ZBTB2: variants seen among roughly 807,000 people sequenced by gnomAD.
ZBTB2 encodes the protein zinc finger and BTB domain-containing protein 2.
In ZBTB2, 2 loss-of-function variants were observed where a neutral mutation model predicts 39.5. The observed-to-expected ratio is 0.05, with a 90% CI of 0.02 to 0.16. The LOEUF (loss-of-function observed/expected upper bound fraction) is 0.16, where lower values mean the gene tolerates loss of function less well. Ranked by LOEUF, ZBTB2 falls within the 10% of genes least tolerant of loss-of-function variation. The probability of loss-of-function intolerance (pLI) is 1.00; values close to 1 mark genes in which losing one functional copy is unlikely to be tolerated. For missense variants in ZBTB2, 391 were observed against 653.0 expected (o/e 0.60, Z 4.37); for synonymous variants, 251 against 256.6 (o/e 0.98, Z 0.21).
In ZBTB2 at chr6:151,365,953, T is replaced by C; in HGVS notation, c.1113A>G (p.Lys371=). 1 of 1,614,158 alleles carries C rather than the reference T, an allele frequency of 6.2e-7. No individual in the cohort carries two copies. Among genetic ancestry groups the C allele is most frequent in the South Asian group, 1.1e-5 (1 of 91,082 alleles). ...RKYECTICGR[K]FIQKSHWREH... Reference sequence around the variant, plus strand: ...CCCTCCAGTGGCTTTTCTGGATAAATTTGCGTCCACATATTGTGCACTCGT... The same window carrying C: ...CCCTCCAGTGGCTTTTCTGGATAAACTTGCGTCCACATATTGTGCACTCGT... Residue 371 remains lysine, a synonymous_variant, in exon 3 of 3, where the codon AAA becomes AAG. Transcript: ENST00000325144. This position sits in a 1 kb window ranked among gnomAD's most constrained non-coding sequence, Gnocchi z 5.6.
intron 2 of ZBTB2, among the ~76,000 whole-genome samples, chr6:151,370,348 C>A (rs565938091): frequency 6.6e-6 from 1 of 152,168 alleles, no homozygotes; most frequent in Non-Finnish European, 1.5e-5. Context: ...GTTGGCCAGG[C>A]TGGTTGACAT....
chr6:151,380,570 C>T (rs1419075891), intron 1 of ZBTB2, among the ~76,000 whole-genome samples: 1 of 152,236 alleles, frequency 6.6e-6, no homozygotes, highest in Non-Finnish European at 1.5e-5. Context: ...CCAGCTCCCG[C>T]CCGGCTCTGC....
chr6:151,381,997 A>C (rs1434906806), intron 1 of ZBTB2, among the ~76,000 whole-genome samples: 1 of 152,154 alleles, frequency 6.6e-6, no homozygotes, highest in African/African-American at 2.4e-5. Context: ...TACTTCCACA[A>C]ATCTAGTTGG....
chr6:151,373,321 G>T (rs1428355883), intron 2 of ZBTB2, 144 bp downstream of exon 2: 2 of 769,300 alleles, frequency 2.6e-6, no homozygotes, highest in Non-Finnish European at 4.2e-6. Context: ...TAACAAGAAG[G>T]GTAGTGGGGG....
intron 1 of ZBTB2, among the ~76,000 whole-genome samples, chr6:151,389,767 G>A (rs1394024855): frequency 6.6e-6 from 1 of 152,076 alleles, no homozygotes; most frequent in Non-Finnish European, 1.5e-5. Flanking sequence ...CACGTATTCG[G>A]GTGGAAGTTC....
Position 151,366,568 on chromosome 6 carries a change from T to C in ZBTB2, c.498A>G (p.Ile166Met). The C allele has an allele frequency of 6.2e-7, 1 of 1,614,106 alleles. No homozygotes were observed. The highest frequency in any genetic ancestry group is 1.1e-5 in the South Asian group (1 of 91,068). The change falls in exon 3 of 3, where the codon ATA becomes ATG. Residue 166 changes from isoleucine (I) to methionine (M), a missense_variant. Physicochemically the swap from Ile to Met is conservative, Grantham distance 10. Around this residue, in one of 7 missense-constraint regions of ZBTB2, gnomAD observed 175 missense variants for 198.6 expected, o/e 0.88. Transcript: ENST00000325144. The surrounding 1 kb of genome is among the most constrained non-coding windows in gnomAD (Gnocchi z 7.1). Reference sequence around the variant, plus strand: ...AGGCCTCAGGGACCTGCTCCTGGCTTATCCTGGAGGTCTGTGGCCGTGGAT... The same window carrying C: ...AGGCCTCAGGGACCTGCTCCTGGCTCATCCTGGAGGTCTGTGGCCGTGGAT... ...GRDPRPQTSR[I>M]SQEQVPEASQ... is the part of the protein sequence containing the mutation.
At position 151,366,545 on chromosome 6, in the gene ZBTB2, G is replaced by A; in HGVS notation, c.521C>T (p.Ala174Val). 6.2e-7 allele frequency: 1 copy of A among 1,614,104 alleles called. No homozygotes were observed. Among genetic ancestry groups the A allele is most frequent in the Non-Finnish European group, 8.5e-7 (1 of 1,180,014 alleles). Residue 174 changes from alanine (A) to valine (V), a missense_variant, in exon 3 of 3, where the codon GCC (alanine) becomes GTC (valine). Transcript: ENST00000325144. This position sits in a 1 kb window ranked among gnomAD's most constrained non-coding sequence, Gnocchi z 7.1. ...TGAAGTCAGCTGGGAGAGCTGTGAG[G>A]CCTCAGGGACCTGCTCCTGGCTTAT... ...SRISQEQVPE[A>V]SQLSQLTSNL...
At chr6:151,373,862 A>AC (rs1400684540) in intron 1 of ZBTB2, among the ~76,000 whole-genome samples, 13 of 146,908 alleles carry the variant, frequency 8.8e-5, no homozygotes, top group East Asian at 5.9e-4. Context: ...AAAAAAAAAA[A>AC]AAAAAAAAAA....
intron 1 of ZBTB2, among the ~76,000 whole-genome samples, chr6:151,375,063 T>A (rs1287397605): frequency 6.6e-6 from 1 of 151,356 alleles, no homozygotes; most frequent in Non-Finnish European, 1.5e-5. Flanking sequence ...GAGCTTGCGG[T>A]GAGCCGAGCT....
chr6:151,368,035 A>G (rs897940845), intron 2 of ZBTB2, among the ~76,000 whole-genome samples: 1 of 152,210 alleles, frequency 6.6e-6, no homozygotes, highest in Admixed American at 6.5e-5. Context: ...AAATTCAAAG[A>G]CAGCTTCCTT....
In ZBTB2 at chr6:151,365,583, C is replaced by T; in HGVS notation, c.1483G>A (p.Glu495Lys). The change falls in exon 3 of 3, where the codon GAG (glutamate) becomes AAG (lysine). Residue 495 changes from glutamate (E) to lysine (K), a missense_variant. Transcript: ENST00000325144. This position sits in a 1 kb window ranked among gnomAD's most constrained non-coding sequence, Gnocchi z 5.6. The stretch of plus-strand genomic sequence containing the variant: ...GAAGCTAACACTGGGTGGTCAGGCT[C>T]CGTTACTTCCGAGTCCCCACTGCCC... The part of the protein sequence containing the change: ...LLGSGDSEVT[E>K]PDHPVLASIK... The T allele has an allele frequency of 6.2e-7, 1 of 1,614,216 alleles. No individual in the cohort carries two copies. Among genetic ancestry groups the T allele is most frequent in the Non-Finnish European group, 8.5e-7 (1 of 1,180,048 alleles).
In ZBTB2 at chr6:151,382,442, A is replaced by G. The variant is rs139864757; in HGVS notation, c.-12-8793T>C. Reference sequence around the variant, plus strand: ...GGCTAATTTTGTATTTTTAGTAGAGAGGGGGTTTCTCCATGTTGGTCAGGC... The same window carrying G: ...GGCTAATTTTGTATTTTTAGTAGAGGGGGGGTTTCTCCATGTTGGTCAGGC... On this transcript the variant is annotated intron_variant, in intron 1 of 2. Transcript: ENST00000325144. 1.6e-4 allele frequency among the ~76,000 whole-genome samples: 25 copies of G among 151,884 alleles called. No homozygotes were observed. In the East Asian group the frequency reaches 4.3e-3, roughly 26 times the overall value.
intron 1 of ZBTB2, among the ~76,000 whole-genome samples, chr6:151,385,040 T>TA (rs11368957): frequency 0.3 from 45,671 of 151,680 alleles, 8,156 homozygotes; most frequent in East Asian, 0.5. Flanking sequence ...TATATGAACT[T>TA]AAAAAAAACC....
chr6:151,368,414 G>A (rs1419297310), intron 2 of ZBTB2, among the ~76,000 whole-genome samples: 1 of 152,152 alleles, frequency 6.6e-6, no homozygotes, highest in Non-Finnish European at 1.5e-5. Context: ...CTCCCAAAGT[G>A]CTGGGATTAC....
At chr6:151,369,801 T>C (rs1034271970) in intron 2 of ZBTB2, among the ~76,000 whole-genome samples, 7 of 152,060 alleles carry the variant, frequency 4.6e-5, no homozygotes, top group African/African-American at 1.2e-4. Context: ...GGCAAAACCC[T>C]GTCTCTATTA....
Position 151,365,571 on chromosome 6 carries a change from G to A in ZBTB2, c.1495C>T (p.Pro499Ser). The change falls in exon 3 of 3, where the codon CCA becomes TCA. Residue 499 changes from proline (P) to serine (S), a missense_variant. Physicochemically the swap from Pro to Ser is moderately conservative, Grantham distance 74. Coordinates refer to ENST00000325144, the MANE Select transcript of ZBTB2 (RefSeq NM_020861.3). This position sits in a 1 kb window ranked among gnomAD's most constrained non-coding sequence, Gnocchi z 5.6. ...TCCTTTTTGATGGAAGCTAACACTGGGTGGTCAGGCTCCGTTACTTCCGAG... is the reference window on the plus strand; with the variant it reads ...TCCTTTTTGATGGAAGCTAACACTGAGTGGTCAGGCTCCGTTACTTCCGAG... ...GDSEVTEPDH[P>S]VLASIKKEQE... 1 of 1,614,162 alleles carries A rather than the reference G, an allele frequency of 6.2e-7. No individual in the cohort carries two copies. Among genetic ancestry groups the A allele is most frequent in the Non-Finnish European group, 8.5e-7 (1 of 1,180,028 alleles).
intron 1 of ZBTB2, among the ~76,000 whole-genome samples, chr6:151,389,081 C>T (rs1779226770): frequency 6.6e-6 from 1 of 152,136 alleles, no homozygotes; most frequent in Non-Finnish European, 1.5e-5. Context: ...GAGAAATGCC[C>T]AGTTTAAAAG....
intron 1 of ZBTB2, among the ~76,000 whole-genome samples, chr6:151,386,471 C>T (rs1213169660): frequency 1.3e-5 from 2 of 152,206 alleles, no homozygotes; most frequent in Non-Finnish European, 2.9e-5. Context: ...GAGGCTGAGG[C>T]TGCTGTGAGC....
At chr6:151,385,101 C>A (rs550872690) in intron 1 of ZBTB2, among the ~76,000 whole-genome samples, 18 of 152,154 alleles carry the variant, frequency 1.2e-4, no homozygotes, top group African/African-American at 3.1e-4. Context: ...GAATAGTGAG[C>A]TGAGAGGAAC....
Sources: allele counts gnomAD v4.1 joint callset (sites outside exome capture counted in the v4.1 genomes callset), GRCh38; gene constraint gnomAD v4.1.1; regional missense constraint gnomAD v4.1.1; non-coding constraint Gnocchi (gnomAD v3.1); transcripts MANE v1.5; gene names NCBI Gene and HGNC (gene_info 2026-07-23, HGNC 2026-07-21).